Variants in BICC1 observed in about 807,000 individuals in gnomAD.
The protein encoded by BICC1 is BicC family RNA binding protein 1.
In BICC1, 43 loss-of-function variants were observed where a neutral mutation model predicts 111.0. The observed-to-expected ratio is 0.39, with a 90% confidence interval of 0.30 to 0.50. The LOEUF is 0.50. BICC1 is among the 20% of genes least tolerant of loss of function. BICC1 has a pLI of 0.88. For synonymous variants in BICC1, 467 were observed against 434.4 expected (o/e 1.07, Z -0.93); for missense variants, 1,091 against 1,203.2 (o/e 0.91, Z 1.38).
At chr10:58,716,784 G>T (rs1177981275) in intron 3 of BICC1, among the ~76,000 whole-genome samples, 2 of 148,438 alleles carry the variant, frequency 1.3e-5, no homozygotes, top group Admixed American at 1.3e-4. Flanking sequence ...TTAGGGTTGG[G>T]GGGGTGGTTT....
rs746343369 is a variant in BICC1 at position 58,806,632 on chromosome 10, T to C, written c.2221+9T>C. On this transcript the variant is annotated intron_variant, in intron 16 of 20. Transcript: ENST00000373886. ...GCTATTAGCCACCAAAGGTATGTAA[T>C]ACACTAATAACTTACACTTGACTAT... 11 of 1,601,544 alleles carry C rather than the reference T, an allele frequency of 6.9e-6. No homozygotes were observed. The highest frequency in any genetic ancestry group is 9.4e-6 in the Non-Finnish European group (11 of 1,168,980).
intron 1 of BICC1, among the ~76,000 whole-genome samples, chr10:58,551,269 T>C (rs1399947433): frequency 6.6e-6 from 1 of 152,196 alleles, no homozygotes; most frequent in East Asian, 1.9e-4. Flanking sequence ...ATAACATCTT[T>C]GAACAAGAGG....
At position 58,769,404 on chromosome 10, in the gene BICC1, G is replaced by GTGTATA. The variant is rs1050060686; in HGVS notation, c.308-15596_308-15595insGTATAT. On this transcript the variant is annotated intron_variant, in intron 3 of 20. Coordinates refer to ENST00000373886, the MANE Select transcript of BICC1 (RefSeq NM_001080512.3). Reference sequence around the variant, plus strand: ...TGTGTGTGTGTGTGTGTGTGTGTGTGTATATATATATATATATATATAATC... The same window carrying GTGTATA: ...TGTGTGTGTGTGTGTGTGTGTGTGTGTGTATATATATATATATATATATATATAATC... 4.8e-3 allele frequency among the ~76,000 whole-genome samples: 523 copies of GTGTATA among 109,732 alleles called. 4 individuals carry two copies. Among genetic ancestry groups the GTGTATA allele is most frequent in the African/African-American group, 0.016 (496 of 31,380 alleles). 72.0% of individuals were successfully genotyped at this position (109,732 alleles called of 152,430 possible).
intron 20 of BICC1, among the ~76,000 whole-genome samples, chr10:58,825,727 C>T (rs889715352): frequency 3.9e-5 from 6 of 152,168 alleles, no homozygotes; most frequent in Admixed American, 3.9e-4. Flanking sequence ...TCCACCTGAG[C>T]AATTAATCTC....
chr10:58,571,501 C>T lies in BICC1; in HGVS notation c.191-49354C>T, dbSNP rs150033034. Among the ~76,000 whole-genome samples, 133 of 150,712 alleles carry T rather than the reference C, an allele frequency of 8.8e-4. 1 individual carries two copies. The highest frequency in any genetic ancestry group is 3.2e-3 in the African/African-American group (131 of 40,934). On this transcript the variant is annotated intron_variant, in intron 1 of 20. Transcript: ENST00000373886. The stretch of plus-strand genomic sequence containing the variant: ...TTTTCTCCCTCCTCCCACCCCCGCC[C>T]TCCGACAGGCCCTGATGTGTGTTGT...
At chr10:58,803,024 C>G in intron 14 of BICC1, 53 bp from the exon 15 acceptor site, 1 of 1,440,834 alleles carries the variant, frequency 6.9e-7, no homozygotes. Flanking sequence ...AGGAAACATT[C>G]AGTACATTTG....
At chr10:58,823,353 G>A (rs987552753) in intron 20 of BICC1, 3 of 985,166 alleles carry the variant, frequency 3.0e-6, no homozygotes, top group Non-Finnish European at 3.6e-6. Context: ...AAATATTAGA[G>A]GAGTTTGCCT....
At chr10:58,659,227 A>G (rs1838761726) in intron 2 of BICC1, among the ~76,000 whole-genome samples, 1 of 152,208 alleles carries the variant, frequency 6.6e-6, no homozygotes, top group Admixed American at 6.5e-5. Flanking sequence ...CAGCAATCCC[A>G]TAATTGGGTA....
intron 2 of BICC1, among the ~76,000 whole-genome samples, chr10:58,667,296 C>T (rs1310438177): frequency 1.7e-3 from 2 of 1,198 alleles, no homozygotes. Context: ...AATGATATTT[C>T]TTTACCAAAC....
At chr10:58,826,477 T>A (rs1276372450) in intron 20 of BICC1, among the ~76,000 whole-genome samples, 1 of 148,946 alleles carries the variant, frequency 6.7e-6, no homozygotes, top group African/African-American at 2.5e-5. Context: ...GGAGGCCGGG[T>A]GCGGTGGCTC....
At chr10:58,586,226 GTAT>G (rs927639789) in intron 1 of BICC1, among the ~76,000 whole-genome samples, 1 of 151,756 alleles carries the variant, frequency 6.6e-6, no homozygotes, top group Non-Finnish European at 1.5e-5. Flanking sequence ...CATCCATCCA[GTAT>G]TATTATTATA....
At chr10:58,622,707 G>T (rs1276267104) in intron 2 of BICC1, among the ~76,000 whole-genome samples, 1 of 152,188 alleles carries the variant, frequency 6.6e-6, no homozygotes, top group African/African-American at 2.4e-5. Context: ...CCAAATTCCA[G>T]AGAGTCATTT....
chr10:58,569,760 ATG>A (rs1843887922), intron 1 of BICC1, among the ~76,000 whole-genome samples: 1 of 152,152 alleles, frequency 6.6e-6, no homozygotes, highest in Admixed American at 6.6e-5. Context: ...CACGGTGTAT[ATG>A]TGTCACATTT....
chr10:58,586,538 G>C (rs7476232), intron 1 of BICC1, among the ~76,000 whole-genome samples: 1 of 151,458 alleles, frequency 6.6e-6, no homozygotes, highest in South Asian at 2.1e-4. Context: ...GTTGGGGGCG[G>C]GGGGGCGCGG....
intron 2 of BICC1, among the ~76,000 whole-genome samples, chr10:58,646,875 AG>A (rs1443588703): frequency 1.3e-5 from 2 of 152,078 alleles, no homozygotes; most frequent in African/African-American, 4.8e-5. Context: ...TTCTTTTCGT[AG>A]GTTAATATTC....
At chr10:58,737,892 A>G (rs1365861110) in intron 3 of BICC1, among the ~76,000 whole-genome samples, 1 of 152,230 alleles carries the variant, frequency 6.6e-6, no homozygotes. Context: ...TCTTCTTTTG[A>G]GAAGTGTCTG....
intron 2 of BICC1, among the ~76,000 whole-genome samples, chr10:58,688,581 G>A (rs557041772): frequency 4.6e-5 from 7 of 152,218 alleles, no homozygotes; most frequent in Admixed American, 3.9e-4. Context: ...ACATGCACAC[G>A]TATGTTTATT....
At chr10:58,742,920 C>T (rs559386645) in intron 3 of BICC1, among the ~76,000 whole-genome samples, 3 of 152,340 alleles carry the variant, frequency 2.0e-5, no homozygotes, top group African/African-American at 7.2e-5. Context: ...CCATTGCCCA[C>T]ACCTTAAATG....
intron 9 of BICC1, among the ~76,000 whole-genome samples, chr10:58,794,922 G>A (rs1369580650): frequency 2.6e-5 from 4 of 152,116 alleles, no homozygotes; most frequent in African/African-American, 4.8e-5. Context: ...GAGACAACAC[G>A]AGAATGGTGT....
Sources: allele counts gnomAD v4.1 joint callset (sites outside exome capture counted in the v4.1 genomes callset), GRCh38; gene constraint gnomAD v4.1.1; transcripts MANE v1.5; gene names NCBI Gene and HGNC (gene_info 2026-07-23, HGNC 2026-07-21).